Variants in HCN1 observed in about 807,000 individuals in gnomAD.
HCN1 encodes the protein potassium/sodium hyperpolarization-activated cyclic nucleotide-gated channel 1.
Under a neutral mutation model 78.9 loss-of-function variants are expected in HCN1, and 13 were observed. That is an observed-to-expected ratio of 0.16 (90% confidence interval 0.11 to 0.26). HCN1 has a LOEUF of 0.26. Ranked by LOEUF, HCN1 falls within the 10% of genes least tolerant of loss-of-function variation. HCN1 has a pLI of 1.00. For synonymous variants in HCN1, 552 were observed against 455.5 expected, an observed-to-expected ratio of 1.21 and a Z score of -2.70; for missense variants, 810 against 1,154.3, an observed-to-expected ratio of 0.70 and a Z score of 4.32.
chr5:45,410,799 C>A (rs1357581691), intron 3 of HCN1, among the ~76,000 whole-genome samples: 5 of 151,986 alleles, frequency 3.3e-5, no homozygotes, highest in Admixed American at 6.6e-5. Context: ...GCCTAATTCC[C>A]AACTTAAATT....
intron 3 of HCN1, among the ~76,000 whole-genome samples, chr5:45,434,415 T>A (rs1740522997): frequency 6.6e-6 from 1 of 152,178 alleles, no homozygotes; most frequent in Non-Finnish European, 1.5e-5. Flanking sequence ...AAACAAAGAC[T>A]ATTTGCATGT....
intron 6 of HCN1, among the ~76,000 whole-genome samples, chr5:45,290,782 A>G (rs1473842884): frequency 6.6e-6 from 1 of 152,054 alleles, no homozygotes; most frequent in African/African-American, 2.4e-5. Flanking sequence ...GGAATGTTAT[A>G]GTCTCATAGT....
At chr5:45,593,248 A>G (rs1302155276) in intron 2 of HCN1, among the ~76,000 whole-genome samples, 1 of 148,002 alleles carries the variant, frequency 6.8e-6, no homozygotes, top group East Asian at 2.0e-4. Flanking sequence ...ACACACAAAC[A>G]CGCACACTAG....
Position 45,376,375 on chromosome 5 carries a change from A to G in HCN1, c.1230+20117T>C, listed in dbSNP as rs969252775. On this transcript the variant is annotated intron_variant, in intron 4 of 7. Transcript: ENST00000303230. ...AGAGAGAGAGAGAGAGAGAGAGAGA[A>G]AATGACTAGAGCTGATTCTCTTGGC... Among the ~76,000 whole-genome samples, 39 of 41,748 alleles carry G rather than the reference A, an allele frequency of 9.3e-4. 1 individual carries two copies. The highest frequency in any genetic ancestry group is 5.6e-3 in the South Asian group (7 of 1,246). The allele number at this position is 41,748 out of a possible 152,430, so 27.4% of individuals were successfully genotyped here. A position where few individuals can be genotyped will look rare whatever the true frequency, so the allele number is the denominator to read the frequency against.
Position 45,261,791 on chromosome 5 carries a change from A to G in HCN1, c.*130T>C. The G allele has an allele frequency of 1.8e-6, 2 of 1,110,206 alleles. No homozygotes were observed. The highest frequency in any genetic ancestry group is 3.5e-5 in the Admixed American group (2 of 57,772). 68.8% of individuals were successfully genotyped at this position (1,110,206 alleles called of 1,614,324 possible). On this transcript the variant is annotated 3_prime_UTR_variant, in exon 8 of 8. Transcript: ENST00000303230. ...ATATATATTTTTACATTTCACGTGTAGGCCACAGCTGTCTAAAATATCTCT... is the reference window on the plus strand; with the variant it reads ...ATATATATTTTTACATTTCACGTGTGGGCCACAGCTGTCTAAAATATCTCT...
At chr5:45,522,061 TTC>T (rs934666210) in intron 2 of HCN1, among the ~76,000 whole-genome samples, 1 of 151,994 alleles carries the variant, frequency 6.6e-6, no homozygotes, top group Non-Finnish European at 1.5e-5. Context: ...AACTGTATGT[TTC>T]TGTTTCTTAC....
chr5:45,498,106 T>G (rs1034519819), intron 2 of HCN1, among the ~76,000 whole-genome samples: 2 of 152,180 alleles, frequency 1.3e-5, no homozygotes, highest in South Asian at 2.1e-4. Flanking sequence ...GGCGTTCTCT[T>G]TAGTTCCTGA....
At chr5:45,384,116 T>A (rs1327970363) in intron 4 of HCN1, among the ~76,000 whole-genome samples, 1 of 152,150 alleles carries the variant, frequency 6.6e-6, no homozygotes, top group African/African-American at 2.4e-5. Context: ...AAGAGTTTGC[T>A]GGGGGAATTC....
At chr5:45,389,815 T>C (rs1312635335) in intron 4 of HCN1, among the ~76,000 whole-genome samples, 1 of 152,158 alleles carries the variant, frequency 6.6e-6, no homozygotes, top group East Asian at 1.9e-4. Context: ...GAATCTTAGA[T>C]TCTAGGTTAG....
chr5:45,586,033 C>A (rs1744211651), intron 2 of HCN1, among the ~76,000 whole-genome samples: 1 of 152,146 alleles, frequency 6.6e-6, no homozygotes, highest in African/African-American at 2.4e-5. Flanking sequence ...GCTGGGAGAA[C>A]CACTACTCTC....
At chr5:45,316,553 G>T (rs949551774) in intron 5 of HCN1, among the ~76,000 whole-genome samples, 2 of 152,122 alleles carry the variant, frequency 1.3e-5, no homozygotes, top group African/African-American at 2.4e-5. Flanking sequence ...AGTGTTGGAA[G>T]TTCTGGCCAG....
chr5:45,401,087 C>A (rs1377704025), intron 3 of HCN1, among the ~76,000 whole-genome samples: 16 of 152,110 alleles, frequency 1.1e-4, no homozygotes, highest in Admixed American at 1.3e-4. Flanking sequence ...ATCCATATAT[C>A]TTTTCTTTCT....
chr5:45,468,236 A>G (rs898436690), intron 2 of HCN1, among the ~76,000 whole-genome samples: 3 of 152,106 alleles, frequency 2.0e-5, no homozygotes, highest in African/African-American at 7.2e-5. Flanking sequence ...AACATTAGAG[A>G]AATATATGTC....
intron 3 of HCN1, among the ~76,000 whole-genome samples, chr5:45,413,185 T>C (rs978248637): frequency 2.0e-5 from 3 of 151,968 alleles, no homozygotes; most frequent in Admixed American, 2.0e-4. Flanking sequence ...GAGTAGGAAA[T>C]AGCTAACTCA....
chr5:45,340,578 T>G (rs947433577), intron 5 of HCN1, among the ~76,000 whole-genome samples: 5 of 152,188 alleles, frequency 3.3e-5, no homozygotes, highest in Admixed American at 3.3e-4. Flanking sequence ...CCAATCTGGT[T>G]CCAGTGTCCT....
At chr5:45,681,476 C>T (rs1178943340) in intron 1 of HCN1, among the ~76,000 whole-genome samples, 2 of 151,932 alleles carry the variant, frequency 1.3e-5, no homozygotes, top group Non-Finnish European at 2.9e-5. Context: ...TCTATTTACA[C>T]AAGGGCTAAT....
At chr5:45,502,673 G>A (rs1742214118) in intron 2 of HCN1, among the ~76,000 whole-genome samples, 1 of 151,974 alleles carries the variant, frequency 6.6e-6, no homozygotes, top group Non-Finnish European at 1.5e-5. Context: ...AAAAATATTT[G>A]TAAATAAAAT....
rs915482733 is a variant in HCN1, at chr5:45,377,221, C to T, written c.1230+19271G>A. Reference sequence around the variant, plus strand: ...AACTGCTCAAACAAAAATGGACAACCATAGATCAAGAAAAATGGTGGCAGT... The same window carrying T: ...AACTGCTCAAACAAAAATGGACAACTATAGATCAAGAAAAATGGTGGCAGT... On this transcript the variant is annotated intron_variant, in intron 4 of 7. Coordinates refer to ENST00000303230, the MANE Select transcript of HCN1 (RefSeq NM_021072.4). Among the ~76,000 whole-genome samples, 3 of 151,830 alleles carry T rather than the reference C, an allele frequency of 2.0e-5. No homozygotes were observed. In the East Asian group the frequency reaches 5.8e-4, roughly 29 times the overall value.
intron 2 of HCN1, among the ~76,000 whole-genome samples, chr5:45,619,185 T>C (rs1305530477): frequency 2.6e-5 from 4 of 152,086 alleles, no homozygotes; most frequent in African/African-American, 9.7e-5. Context: ...AGAAATATTT[T>C]CATACACAGG....
Sources: allele counts gnomAD v4.1 joint callset (sites outside exome capture counted in the v4.1 genomes callset), GRCh38; gene constraint gnomAD v4.1.1; transcripts MANE v1.5; gene names NCBI Gene and HGNC (gene_info 2026-07-23, HGNC 2026-07-21).